CARMIL1: variants seen among roughly 807,000 people sequenced by gnomAD.
CARMIL1 encodes the protein capping protein regulator and myosin 1 linker 1.
Under a neutral mutation model 177.1 loss-of-function variants are expected in CARMIL1, and 90 were observed. That is an observed-to-expected ratio of 0.51 (90% CI 0.43 to 0.61). The LOEUF (loss-of-function observed/expected upper bound fraction) is 0.61, where lower values mean the gene tolerates loss of function less well. Ranked by LOEUF, CARMIL1 falls within the 20% of genes least tolerant of loss-of-function variation. CARMIL1 has a pLI of 0.00. For missense variants in CARMIL1, 1,380 were observed against 1,667.0 expected (o/e 0.83, Z 3.00); for synonymous variants, 577 against 606.2 (o/e 0.95, Z 0.71).
At chr6:25,399,048 C>T (rs1407539624) in intron 2 of CARMIL1, among the ~76,000 whole-genome samples, 1 of 152,040 alleles carries the variant, frequency 6.6e-6, no homozygotes, top group Admixed American at 6.6e-5. Context: ...TCAAAAACAC[C>T]CCCCTTTTCT....
chr6:25,543,827 G>C (rs553334871), intron 26 of CARMIL1, among the ~76,000 whole-genome samples: 2 of 152,106 alleles, frequency 1.3e-5, no homozygotes, highest in Non-Finnish European at 2.9e-5. Flanking sequence ...AGTTGTATTT[G>C]CTTGTAATGA....
At chr6:25,549,909 C>T (rs573754138) in intron 26 of CARMIL1, among the ~76,000 whole-genome samples, 1 of 152,266 alleles carries the variant, frequency 6.6e-6, no homozygotes, top group South Asian at 2.1e-4. Context: ...TTACTGTGTG[C>T]TAGACACTCT....
intron 18 of CARMIL1, among the ~76,000 whole-genome samples, chr6:25,510,121 T>C (rs1433236561): frequency 1.3e-5 from 2 of 152,192 alleles, no homozygotes; most frequent in African/African-American, 4.8e-5. Flanking sequence ...ATCATGTTAG[T>C]ATGAACCTGT....
chr6:25,499,105 A>G (rs892399390), intron 16 of CARMIL1, among the ~76,000 whole-genome samples: 3 of 152,192 alleles, frequency 2.0e-5, no homozygotes, highest in African/African-American at 7.2e-5. Context: ...CCAGAGAATC[A>G]CTAGAAAAGA....
At chr6:25,370,803 GT>G (rs1790332965) in intron 2 of CARMIL1, among the ~76,000 whole-genome samples, 1 of 151,976 alleles carries the variant, frequency 6.6e-6, no homozygotes, top group South Asian at 2.1e-4. Flanking sequence ...GGTACAAATG[GT>G]TTTTGGTTAC....
chr6:25,337,647 G>T (rs1786404298), intron 2 of CARMIL1, among the ~76,000 whole-genome samples: 1 of 152,238 alleles, frequency 6.6e-6, no homozygotes, highest in South Asian at 2.1e-4. Context: ...GGGCGATTGT[G>T]ATGGTTGTGG....
chr6:25,389,646 C>T (rs1162223778), intron 2 of CARMIL1, among the ~76,000 whole-genome samples: 1 of 152,152 alleles, frequency 6.6e-6, no homozygotes, highest in Admixed American at 6.5e-5. Flanking sequence ...CTTGAGTCAG[C>T]ATGTGAAAAG....
intron 2 of CARMIL1, chr6:25,389,086 C>G (rs558810958): frequency 6.6e-6 from 1 of 152,340 alleles, no homozygotes; most frequent in East Asian, 1.9e-4. Context: ...ACTAGAGAAA[C>G]CCACATTTCC....
chr6:25,318,369 G>T lies in CARMIL1; in HGVS notation c.138+33460G>T, dbSNP rs141312667. 3.1e-4 allele frequency among the ~76,000 whole-genome samples: 47 copies of T among 152,278 alleles called. No homozygotes were observed. The East Asian group carries it at 8.7e-3, about 28-fold the overall frequency. On this transcript the variant is annotated intron_variant, in intron 2 of 36. Transcript: ENST00000329474. Reference sequence around the variant, plus strand: ...GGTGCAGAGAGTAAGGAACAGGGACGAATATATGTGACCCTGGTTATCAGG... The same window carrying T: ...GGTGCAGAGAGTAAGGAACAGGGACTAATATATGTGACCCTGGTTATCAGG...
At position 25,488,526 on chromosome 6, in the gene CARMIL1, G is replaced by T; in HGVS notation, c.1006G>T (p.Ala336Ser). The T allele has an allele frequency of 6.2e-7, 1 of 1,613,988 alleles. No individual in the cohort carries two copies. Among genetic ancestry groups the T allele is most frequent in the South Asian group, 1.1e-5 (1 of 91,084 alleles). Residue 336 changes from alanine to serine, a missense_variant, in exon 13 of 37, where the codon GCC (alanine) becomes TCC (serine). Ala to Ser is a moderately conservative substitution (Grantham distance 99). Transcript: ENST00000329474. ...GTCACTCAGTGCCAATCCATTGACC[G>T]CCTCTACCCTTGTCCACCTCGACCT... Reference protein sequence around the residue: ...SQSLSANPLTASTLVHLDLSG... With the variant: ...SQSLSANPLTSSTLVHLDLSG...
intron 2 of CARMIL1, among the ~76,000 whole-genome samples, chr6:25,359,765 C>T (rs1788995822): frequency 6.6e-6 from 1 of 152,160 alleles, no homozygotes; most frequent in Non-Finnish European, 1.5e-5. Context: ...GCATTTTTCT[C>T]ATTTCTGAAT....
chr6:25,395,152 A>G (rs1793258884), intron 2 of CARMIL1, among the ~76,000 whole-genome samples: 1 of 152,210 alleles, frequency 6.6e-6, no homozygotes, highest in Admixed American at 6.5e-5. Flanking sequence ...GGCTTACATC[A>G]TTGTAAGCAT....
intron 2 of CARMIL1, among the ~76,000 whole-genome samples, chr6:25,319,922 C>T (rs943173783): frequency 4.6e-5 from 7 of 152,016 alleles, no homozygotes; most frequent in Non-Finnish European, 8.8e-5. Flanking sequence ...ATATTGTTAT[C>T]GCTCCCTGAA....
At chr6:25,441,365 GTGTGTGTCTA>G (rs1478024804) in intron 5 of CARMIL1, among the ~76,000 whole-genome samples, 31 of 146,658 alleles carry the variant, frequency 2.1e-4, no homozygotes, top group African/African-American at 6.4e-4. Flanking sequence ...GTGTGTGTGT[GTGTGTGTCTA>G]TGTGTGTGTG....
intron 2 of CARMIL1, among the ~76,000 whole-genome samples, chr6:25,337,151 A>G (rs888063572): frequency 2.6e-5 from 4 of 152,254 alleles, no homozygotes; most frequent in South Asian, 4.1e-4. Flanking sequence ...AAAACAAAGT[A>G]GAGATAGCCA....
chr6:25,475,188 G>A (rs528963566), intron 11 of CARMIL1, among the ~76,000 whole-genome samples: 1 of 152,100 alleles, frequency 6.6e-6, no homozygotes, highest in African/African-American at 2.4e-5. Flanking sequence ...GGTGGATCAC[G>A]AAGTCAGGAG....
intron 29 of CARMIL1, among the ~76,000 whole-genome samples, chr6:25,580,477 A>C (rs954673194): frequency 1.3e-5 from 2 of 152,354 alleles, no homozygotes; most frequent in African/African-American, 4.8e-5. Context: ...TCTTGGGGGC[A>C]AAATGTGAAA....
Position 25,468,200 on chromosome 6 carries a change from T to TA in CARMIL1, c.690+2252_690+2253insA, listed in dbSNP as rs1562179567. On this transcript the variant is annotated intron_variant, in intron 9 of 36. Transcript: ENST00000329474. ...TATTTCTAATTTGAGTCAAGGATTT[T>TA]TAAAAAAAAAAATGGTACCGAATAT... Among the ~76,000 whole-genome samples, 180 of 145,874 alleles carry TA rather than the reference T, an allele frequency of 1.2e-3. 1 individual carries two copies. The highest frequency in any genetic ancestry group is 3.7e-3 in the African/African-American group (149 of 40,576).
intron 2 of CARMIL1, among the ~76,000 whole-genome samples, chr6:25,289,826 T>C (rs376717291): frequency 1.3e-5 from 2 of 152,250 alleles, no homozygotes; most frequent in Admixed American, 6.5e-5. Context: ...CATTGGCTAG[T>C]TGATGGACAT....
Sources: allele counts gnomAD v4.1 joint callset (sites outside exome capture counted in the v4.1 genomes callset), GRCh38; gene constraint gnomAD v4.1.1; transcripts MANE v1.5; gene names NCBI Gene and HGNC (gene_info 2026-07-23, HGNC 2026-07-21).